Variants in P2RX1 observed in about 807,000 individuals in gnomAD.
P2RX1 encodes P2X purinoceptor 1.
In P2RX1, 42 loss-of-function variants were observed where a neutral mutation model predicts 50.3. The observed-to-expected ratio is 0.83, with a 90% CI of 0.65 to 1.08. The LOEUF is 1.08. Among genes scored for constraint, P2RX1 ranks in the 50% least tolerant of loss-of-function variants. The probability of loss-of-function intolerance (pLI) is 0.00; values close to 1 mark genes in which losing one functional copy is unlikely to be tolerated. For missense variants in P2RX1, 449 were observed against 529.0 expected (o/e 0.85, Z 1.48); for synonymous variants, 199 against 202.6 (o/e 0.98, Z 0.15).
rs1037056350 is a variant in P2RX1, at chr17:3,904,609, A to G, written c.358-210T>C. The G allele has an allele frequency of 9.5e-6, 6 of 632,946 alleles. No individual in the cohort carries two copies. In the African/African-American group the frequency reaches 1.1e-4, roughly 12 times the overall value. 39.2% of individuals were successfully genotyped at this position (632,946 alleles called of 1,614,324 possible). On this transcript the variant is annotated intron_variant, in intron 3 of 11. Transcript: ENST00000225538. ...GGCTCATGCCCAGCTGCCCACTGCC[A>G]ATGTCAGCTGGGCGGTGGGGGTGGG...
intron 1 of P2RX1, among the ~76,000 whole-genome samples, chr17:3,910,306 A>C (rs549830400): frequency 6.6e-6 from 1 of 151,976 alleles, no homozygotes; most frequent in Non-Finnish European, 1.5e-5. Context: ...AGCACTAACC[A>C]CTATACAGAC....
chr17:3,904,836 G>C (rs2056228791), intron 3 of P2RX1, 22 bp downstream of exon 3: 2 of 1,571,088 alleles, frequency 1.3e-6, no homozygotes, highest in Non-Finnish European at 1.7e-6. Flanking sequence ...CCAGAAGGGG[G>C]CTGGCGGGCA....
At chr17:3,912,085 A>C (rs1266961908) in intron 1 of P2RX1, among the ~76,000 whole-genome samples, 1 of 152,200 alleles carries the variant, frequency 6.6e-6, no homozygotes, top group African/African-American at 2.4e-5. Flanking sequence ...AACTTGCCTG[A>C]GAATGAAGCC....
At chr17:3,904,537 C>T (rs985750265) in intron 3 of P2RX1, 138 bp from the exon 4 acceptor site, 2 of 772,106 alleles carry the variant, frequency 2.6e-6, no homozygotes, top group Admixed American at 4.3e-5. Context: ...TGCTCACAGC[C>T]TCCTTCCCCC....
intron 1 of P2RX1, among the ~76,000 whole-genome samples, chr17:3,908,585 A>C (rs2144043520): frequency 6.6e-6 from 1 of 152,202 alleles, no homozygotes; most frequent in South Asian, 2.1e-4. Flanking sequence ...ATAATAATAG[A>C]ATGACTATGG....
intron 1 of P2RX1, among the ~76,000 whole-genome samples, chr17:3,910,922 A>G (rs1368767098): frequency 1.3e-5 from 2 of 152,210 alleles, no homozygotes; most frequent in African/African-American, 2.4e-5. Flanking sequence ...TTGAATGACT[A>G]ACTGAATGTG....
Position 3,899,770 on chromosome 17 carries a change from G to T in P2RX1, c.748-9C>A. 6.2e-7 allele frequency: 1 copy of T among 1,613,064 alleles called. No individual in the cohort carries two copies. The highest frequency in any genetic ancestry group is 8.5e-7 in the Non-Finnish European group (1 of 1,179,334). On this transcript the variant is annotated splice_polypyrimidine_tract_variant and intron_variant, in intron 7 of 11. Transcript: ENST00000225538. ...ATGCCAACCACTCCACCCTGCCAGGGACACAAGTAGTTAAGATCTGGGATT... is the reference window on the plus strand; with the variant it reads ...ATGCCAACCACTCCACCCTGCCAGGTACACAAGTAGTTAAGATCTGGGATT...
At chr17:3,904,564 C>T in intron 3 of P2RX1, 165 bp from the exon 4 acceptor site, 1 of 702,814 alleles carries the variant, frequency 1.4e-6, no homozygotes, top group South Asian at 1.8e-5. Flanking sequence ...CCCCACACTG[C>T]TCTGCCGAGG....
chr17:3,898,194 G>T, intron 10 of P2RX1, 84 bp from the exon 11 acceptor site: 1 of 1,208,424 alleles, frequency 8.3e-7, no homozygotes, highest in Non-Finnish European at 1.2e-6. Context: ...AGTCCCTGGT[G>T]GTGAGGCCCT....
chr17:3,905,616 G>A (rs911965750), intron 1 of P2RX1, among the ~76,000 whole-genome samples: 9 of 152,200 alleles, frequency 5.9e-5, no homozygotes, highest in Non-Finnish European at 1.2e-4. Flanking sequence ...GGGAGGCCGA[G>A]GCGGGTGGAT....
intron 7 of P2RX1, among the ~76,000 whole-genome samples, chr17:3,900,117 A>C (rs1326356037): frequency 2.0e-5 from 3 of 147,180 alleles, no homozygotes; most frequent in African/African-American, 7.6e-5. Context: ...AACAAACAAA[A>C]AAAGCCCATC....
At chr17:3,904,953 G>A (rs1451301479) in intron 2 of P2RX1, 24 bp from the exon 3 acceptor site, 3 of 1,289,110 alleles carry the variant, frequency 2.3e-6, no homozygotes, top group Admixed American at 2.0e-5. Context: ...GCAGGGGGAG[G>A]GTGGGGTGGG....
Position 3,897,862 on chromosome 17 carries a change from T to C in P2RX1, c.1152A>G (p.Ala384=). ...GCAGGCCCAGGGTGGAGCTGGTAGC[T>C]GCGAGGTCACGCTCAGCCTGTGTAC... ...MGPGAAERDL[A]ATSSTLGLQE... is the part of the protein sequence containing the mutation. Residue 384 remains alanine, a synonymous_variant, in exon 12 of 12, where the codon GCA becomes GCG. Coordinates refer to ENST00000225538, the MANE Select transcript of P2RX1 (RefSeq NM_002558.4). The C allele has an allele frequency of 6.2e-7, 1 of 1,613,812 alleles. No individual in the cohort carries two copies. Among genetic ancestry groups the C allele is most frequent in the South Asian group, 1.1e-5 (1 of 91,066 alleles).
At chr17:3,913,039 A>G (rs958851758) in intron 1 of P2RX1, among the ~76,000 whole-genome samples, 9 of 151,996 alleles carry the variant, frequency 5.9e-5, no homozygotes, top group Non-Finnish European at 1.3e-4. Flanking sequence ...CACCTCCTCC[A>G]GGAAGGCCTC....
chr17:3,900,697 G>A (rs1055666162), intron 7 of P2RX1, among the ~76,000 whole-genome samples: 15 of 151,932 alleles, frequency 9.9e-5, no homozygotes, highest in Non-Finnish European at 1.6e-4. Flanking sequence ...AGCATTTCTC[G>A]CTTTATAATC....
At chr17:3,908,342 C>T (rs1014459500) in intron 1 of P2RX1, among the ~76,000 whole-genome samples, 1 of 152,236 alleles carries the variant, frequency 6.6e-6, no homozygotes, top group East Asian at 1.9e-4. Flanking sequence ...AGGTGGATCA[C>T]CTGAGGTCAG....
chr17:3,898,984 GA>G lies in P2RX1; in HGVS notation c.915del (p.His306ThrfsTer27), dbSNP rs2056084824. The G allele has an allele frequency of 6.2e-7, 1 of 1,613,650 alleles. No homozygotes were observed. The highest frequency in any genetic ancestry group is 1.7e-5 in the Admixed American group (1 of 59,994). On this transcript the variant is annotated frameshift_variant, in exon 9 of 12. Coordinates refer to ENST00000225538, the MANE Select transcript of P2RX1 (RefSeq NM_002558.4). LOFTEE classifies it high-confidence loss of function. ...CGAATCCCAAACACCTTGAAGAGGTGACGGTAGTTGGTCCCGTTCTCCACAA... is the reference window on the plus strand; with the variant it reads ...CGAATCCCAAACACCTTGAAGAGGTGCGGTAGTTGGTCCCGTTCTCCACAA... ...RHFVENGTNY[R>X]HLFKVFGIRF...
In P2RX1 at chr17:3,904,007, A is replaced by G; in HGVS notation, c.445T>C (p.Cys149Arg). 6.2e-7 allele frequency: 1 copy of G among 1,614,030 alleles called. No individual in the cohort carries two copies. The highest frequency in any genetic ancestry group is 8.5e-7 in the Non-Finnish European group (1 of 1,179,978). Residue 149 changes from cysteine (C) to arginine (R), a missense_variant, in exon 5 of 12, where the codon TGT becomes CGT. Physicochemically the swap from Cys to Arg is radical, Grantham distance 180. Transcript: ENST00000225538. ...TTCACAGTGTCGTTGAAGGCCACAC[A>G]CTTGCCCGTGCGGATGCCTGGAGCC... is the stretch of plus-strand genomic sequence containing the variant. ...RKAQGIRTGK[C>R]VAFNDTVKTC... is the part of the protein sequence containing the mutation.
At chr17:3,913,832 CAGCAAAGTGCTG>C (rs1222193211) in intron 1 of P2RX1, among the ~76,000 whole-genome samples, 1 of 150,960 alleles carries the variant, frequency 6.6e-6, no homozygotes, top group African/African-American at 2.4e-5. Flanking sequence ...CCTCAGGAAA[CAGCAAAGTGCTG>C]AGCTGAGTGC....
Sources: gnomAD v4.1 joint callset for allele counts (sites outside exome capture counted in the v4.1 genomes callset) on GRCh38, gnomAD v4.1.1 for gene constraint, MANE v1.5 for transcripts, NCBI Gene and HGNC (gene_info 2026-07-23, HGNC 2026-07-21) for gene names.